PDE7B: variants seen among roughly 807,000 people sequenced by gnomAD.
The protein encoded by PDE7B is 3',5'-cyclic-AMP phosphodiesterase 7B.
In PDE7B, 29 loss-of-function variants were observed where a neutral mutation model predicts 56.2. The ratio of observed to expected loss-of-function variants is 0.52; its 90% confidence interval spans 0.38 to 0.70. The LOEUF is 0.70. PDE7B is among the 30% of genes least tolerant of loss of function. PDE7B has a pLI of 0.00. For synonymous variants in PDE7B, 197 were observed against 196.9 expected (o/e 1.00, Z 0.00); for missense variants, 490 against 565.0 (o/e 0.87, Z 1.35).
At chr6:136,107,026 A>G (rs149600348) in intron 2 of PDE7B, among the ~76,000 whole-genome samples, 124 of 152,354 alleles carry the variant, frequency 8.1e-4, no homozygotes, top group Admixed American at 1.5e-3. Flanking sequence ...CACATTATAC[A>G]AAGCATTGAA....
At chr6:135,982,701 A>G (rs1427640096) in intron 2 of PDE7B, among the ~76,000 whole-genome samples, 1 of 152,222 alleles carries the variant, frequency 6.6e-6, no homozygotes, top group African/African-American at 2.4e-5. Flanking sequence ...CTACTGGTCT[A>G]TGAATCACAT....
Position 136,134,108 on chromosome 6 carries a change from C to T in PDE7B, c.167-13243C>T, listed in dbSNP as rs983513837. 4.6e-5 allele frequency among the ~76,000 whole-genome samples: 7 copies of T among 152,022 alleles called. No individual in the cohort carries two copies. In the South Asian group the frequency reaches 6.2e-4, roughly 14 times the overall value. On this transcript the variant is annotated intron_variant, in intron 3 of 12. Transcript: ENST00000308191. ...CATGGTAGGAGTTGTGCCTGAGGAA[C>T]GAATCCGTTGGTGGTAGGTGAGATA...
chr6:135,941,288 G>A (rs566576453), intron 1 of PDE7B, among the ~76,000 whole-genome samples: 49 of 152,266 alleles, frequency 3.2e-4, no homozygotes, highest in African/African-American at 1.1e-3. Context: ...CTAGTCATAT[G>A]TCAGGGGTTC....
chr6:135,908,951 TTG>T (rs1220178981), intron 1 of PDE7B, among the ~76,000 whole-genome samples: 11 of 152,214 alleles, frequency 7.2e-5, no homozygotes, highest in Non-Finnish European at 1.2e-4. Flanking sequence ...CTAGAAATAT[TTG>T]CCTTTTTCAA....
At chr6:135,978,026 G>A (rs560363033) in intron 2 of PDE7B, among the ~76,000 whole-genome samples, 22 of 152,020 alleles carry the variant, frequency 1.4e-4, no homozygotes, top group Non-Finnish European at 2.9e-4. Flanking sequence ...AAACCTGTAC[G>A]GTAATGCATC....
At chr6:135,994,833 C>T (rs1485154607) in intron 2 of PDE7B, among the ~76,000 whole-genome samples, 13 of 152,202 alleles carry the variant, frequency 8.5e-5, no homozygotes, top group Non-Finnish European at 5.9e-5. Context: ...CTAAAGCTCT[C>T]ATTTTAAAAA....
intron 2 of PDE7B, among the ~76,000 whole-genome samples, chr6:136,078,177 G>A (rs1487511023): frequency 1.3e-5 from 2 of 152,188 alleles, no homozygotes; most frequent in Admixed American, 6.5e-5. Flanking sequence ...CAGCTACAAG[G>A]AAGATAGGGC....
At chr6:136,034,399 C>A (rs1277008353) in intron 2 of PDE7B, 1 of 152,168 alleles carries the variant, frequency 6.6e-6, no homozygotes, top group Non-Finnish European at 1.5e-5. Flanking sequence ...GCTCCAACCA[C>A]AAAGCAAAGT....
At chr6:135,922,839 G>A (rs1774111542) in intron 1 of PDE7B, among the ~76,000 whole-genome samples, 1 of 152,112 alleles carries the variant, frequency 6.6e-6, no homozygotes, top group East Asian at 1.9e-4. Context: ...TAAATACCTT[G>A]CTTTATAGAC....
At chr6:136,015,530 G>A (rs886892437) in intron 2 of PDE7B, among the ~76,000 whole-genome samples, 30 of 152,084 alleles carry the variant, frequency 2.0e-4, no homozygotes, top group Non-Finnish European at 2.6e-4. Flanking sequence ...AGGCTTTTCC[G>A]CCTGAGAATA....
chr6:136,081,458 T>TG (rs910046395), intron 2 of PDE7B, among the ~76,000 whole-genome samples: 9 of 152,244 alleles, frequency 5.9e-5, no homozygotes, highest in African/African-American at 2.2e-4. Context: ...ATTTGTTTGT[T>TG]GGGGGGATGG....
At chr6:136,172,852 A>G (rs1778913883) in intron 8 of PDE7B, among the ~76,000 whole-genome samples, 1 of 152,144 alleles carries the variant, frequency 6.6e-6, no homozygotes, top group African/African-American at 2.4e-5. Flanking sequence ...ATTCTTATAC[A>G]CCAATAACAG....
intron 2 of PDE7B, among the ~76,000 whole-genome samples, chr6:136,089,841 T>C (rs1230382682): frequency 6.6e-6 from 1 of 152,346 alleles, no homozygotes; most frequent in East Asian, 1.9e-4. Flanking sequence ...TTCACTTCTT[T>C]GTGTGTGTCT....
intron 2 of PDE7B, among the ~76,000 whole-genome samples, chr6:136,080,710 T>G (rs188069674): frequency 6.6e-6 from 1 of 152,338 alleles, no homozygotes; most frequent in Admixed American, 6.5e-5. Context: ...TTCGTTCATT[T>G]ATTTGCTCAA....
At chr6:136,043,304 T>C (rs1467512358) in intron 2 of PDE7B, among the ~76,000 whole-genome samples, 2 of 152,160 alleles carry the variant, frequency 1.3e-5, no homozygotes, top group East Asian at 1.9e-4. Flanking sequence ...ACCTGACTTA[T>C]TTTCATGAAT....
chr6:136,050,957 G>A (rs1438090114), intron 2 of PDE7B, among the ~76,000 whole-genome samples: 4 of 151,936 alleles, frequency 2.6e-5, no homozygotes, highest in East Asian at 1.9e-4. Context: ...TGCTAATGCC[G>A]TTCAGAGCCT....
At chr6:136,046,749 C>G (rs1225807194) in intron 2 of PDE7B, among the ~76,000 whole-genome samples, 3 of 152,140 alleles carry the variant, frequency 2.0e-5, no homozygotes, top group African/African-American at 7.2e-5. Flanking sequence ...TATCTATAGA[C>G]CCACCTCTTA....
chr6:135,981,627 T>C (rs1775298504), intron 2 of PDE7B, among the ~76,000 whole-genome samples: 1 of 150,680 alleles, frequency 6.6e-6, no homozygotes, highest in Non-Finnish European at 1.5e-5. Flanking sequence ...TCAATATCAC[T>C]GTCTTCCACC....
chr6:136,107,300 G>GT (rs2128217813), intron 2 of PDE7B, among the ~76,000 whole-genome samples: 1 of 152,294 alleles, frequency 6.6e-6, no homozygotes, highest in African/African-American at 2.4e-5. Flanking sequence ...ATTTATGGGA[G>GT]TGTACCCATT....
Sources: allele counts gnomAD v4.1 joint callset (sites outside exome capture counted in the v4.1 genomes callset), GRCh38; gene constraint gnomAD v4.1.1; transcripts MANE v1.5; gene names NCBI Gene and HGNC (gene_info 2026-07-23, HGNC 2026-07-21).